SUMF1: variants seen among roughly 807,000 people sequenced by gnomAD.
The protein encoded by SUMF1 is formylglycine-generating enzyme.
A neutral mutation model predicts 47.6 loss-of-function variants in SUMF1; 48 were observed. That is an observed-to-expected ratio of 1.01 (90% confidence interval 0.80 to 1.28). SUMF1 has a LOEUF of 1.28. SUMF1 is among the 50% of genes most tolerant of loss of function. The probability of loss-of-function intolerance (pLI) is 0.00; values close to 1 mark genes in which losing one functional copy is unlikely to be tolerated. For synonymous variants in SUMF1, 230 were observed against 192.1 expected, an observed-to-expected ratio of 1.20 and a Z score of -1.63; for missense variants, 571 against 485.4, an observed-to-expected ratio of 1.18 and a Z score of -1.66.
At chr3:4,269,383 T>C (rs1238773960) in intron 8 of SUMF1, among the ~76,000 whole-genome samples, 1 of 152,188 alleles carries the variant, frequency 6.6e-6, no homozygotes, top group Non-Finnish European at 1.5e-5. Flanking sequence ...TAATTCACTA[T>C]TAGCAACACA....
intron 8 of SUMF1, among the ~76,000 whole-genome samples, chr3:4,147,241 G>A (rs1460747155): frequency 6.6e-6 from 1 of 152,090 alleles, no homozygotes; most frequent in Non-Finnish European, 1.5e-5. Flanking sequence ...TTCAACCATT[G>A]TGGAAGTCAG....
At chr3:4,273,117 T>C (rs1019186629) in intron 8 of SUMF1, among the ~76,000 whole-genome samples, 20 of 148,900 alleles carry the variant, frequency 1.3e-4, no homozygotes, top group South Asian at 8.3e-4. Context: ...CATATATATA[T>C]ACACACACAT....
intron 8 of SUMF1, among the ~76,000 whole-genome samples, chr3:4,363,119 A>C (rs1422172663): frequency 6.6e-6 from 1 of 152,204 alleles, no homozygotes; most frequent in African/African-American, 2.4e-5. Context: ...CCAATACAAT[A>C]AGAATATATA....
At position 4,150,520 on chromosome 3, in the gene SUMF1, C is replaced by T. The variant is rs1380766574; in HGVS notation, c.1015-81775G>A. Among the ~76,000 whole-genome samples the T allele has an allele frequency of 2.0e-5, 3 of 148,546 alleles. No homozygotes were observed. The East Asian group carries it at 5.9e-4, about 29-fold the overall frequency. On this transcript the variant is annotated intron_variant and NMD_transcript_variant, in intron 8 of 12. Transcript: ENST00000448413. ...GAGGTTGCAGTGAGCTGAGATTGTG[C>T]CACTGCACTCCAGAGTGAGACTCCG...
intron 7 of SUMF1, among the ~76,000 whole-genome samples, chr3:4,395,068 C>A (rs576039906): frequency 6.6e-6 from 1 of 152,172 alleles, no homozygotes; most frequent in Non-Finnish European, 1.5e-5. Flanking sequence ...TCCTCATAAT[C>A]ACCCTGTAAA....
chr3:4,223,078 T>C (rs1696101794), intron 8 of SUMF1, among the ~76,000 whole-genome samples: 2 of 152,150 alleles, frequency 1.3e-5, no homozygotes, highest in East Asian at 1.9e-4. Flanking sequence ...AAGATATTTA[T>C]GAATTGATGA....
At chr3:4,376,132 C>T (rs545262170) in intron 8 of SUMF1, among the ~76,000 whole-genome samples, 198 bp downstream of exon 8, 2 of 152,344 alleles carry the variant, frequency 1.3e-5, no homozygotes, top group African/African-American at 4.8e-5. Flanking sequence ...AGGTCATTCA[C>T]AACCTTTGTT....
intron 3 of SUMF1, among the ~76,000 whole-genome samples, chr3:4,435,431 C>T (rs1214876541): frequency 6.6e-6 from 1 of 152,070 alleles, no homozygotes; most frequent in Non-Finnish European, 1.5e-5. Flanking sequence ...AAAGGTCTAA[C>T]ATTTATGCAC....
At chr3:4,465,426 C>T (rs1331778145) in intron 1 of SUMF1, among the ~76,000 whole-genome samples, 1 of 150,676 alleles carries the variant, frequency 6.6e-6, no homozygotes, top group African/African-American at 2.4e-5. Flanking sequence ...TTGCAGTGAG[C>T]GGAGATCGCG....
intron 9 of SUMF1, among the ~76,000 whole-genome samples, chr3:4,043,297 C>A (rs772046602): frequency 5.3e-5 from 8 of 152,096 alleles, no homozygotes; most frequent in Non-Finnish European, 8.8e-5. Context: ...CTCAGCCCTG[C>A]CCACACATCT....
At chr3:4,142,124 TG>T (rs1376244817) in intron 8 of SUMF1, among the ~76,000 whole-genome samples, 1 of 152,200 alleles carries the variant, frequency 6.6e-6, no homozygotes, top group Non-Finnish European at 1.5e-5. Context: ...AGAATGTGGT[TG>T]TTTCTCTTAA....
At chr3:4,216,012 ACTTT>A (rs1347869524) in intron 8 of SUMF1, among the ~76,000 whole-genome samples, 6 of 152,190 alleles carry the variant, frequency 3.9e-5, no homozygotes, top group Admixed American at 3.9e-4. Context: ...GCTACCACTG[ACTTT>A]CTTCACAGAA....
intron 8 of SUMF1, among the ~76,000 whole-genome samples, chr3:4,221,449 GTGTT>G (rs1696063038): frequency 7.5e-6 from 1 of 133,812 alleles, no homozygotes; most frequent in Non-Finnish European, 1.6e-5. Flanking sequence ...GTGTGTGTGT[GTGTT>G]TTGTGTTTTC....
At chr3:4,199,349 C>T (rs942770071) in intron 8 of SUMF1, among the ~76,000 whole-genome samples, 1 of 152,100 alleles carries the variant, frequency 6.6e-6, no homozygotes, top group Non-Finnish European at 1.5e-5. Context: ...TATTCCATTA[C>T]TTAGACCACA....
chr3:4,092,718 C>T (rs748682877), intron 8 of SUMF1, among the ~76,000 whole-genome samples: 5 of 151,964 alleles, frequency 3.3e-5, no homozygotes, highest in Non-Finnish European at 7.4e-5. Flanking sequence ...GTGTGTATAT[C>T]GGGGGTGGAG....
rs573197462 is a variant in SUMF1 at position 4,349,851 on chromosome 3, G to A, written c.1014+26479C>T. On this transcript the variant is annotated intron_variant and NMD_transcript_variant, in intron 8 of 12. Coordinates refer to the SUMF1 transcript ENST00000448413. ...GCCAGTTGCGGGGTAGGAGGTGAAGGGAAGGAAGTTGGAGGATGGGTCAAT... is the reference window on the plus strand; with the variant it reads ...GCCAGTTGCGGGGTAGGAGGTGAAGAGAAGGAAGTTGGAGGATGGGTCAAT... Among the ~76,000 whole-genome samples the A allele has an allele frequency of 3.9e-5, 6 of 152,140 alleles. No individual in the cohort carries two copies. The South Asian group carries it at 1.2e-3, about 32-fold the overall frequency.
intron 8 of SUMF1, among the ~76,000 whole-genome samples, chr3:4,140,177 C>T (rs1165879098): frequency 1.3e-5 from 2 of 151,964 alleles, no homozygotes; most frequent in Admixed American, 1.3e-4. Context: ...CATAGGATAC[C>T]TGGGATAGAA....
chr3:4,445,623 G>C (rs1702754929), intron 3 of SUMF1, among the ~76,000 whole-genome samples: 1 of 152,158 alleles, frequency 6.6e-6, no homozygotes, highest in Admixed American at 6.5e-5. Context: ...GGGATTGTGG[G>C]CATGAGCCAC....
At chr3:4,267,024 C>T (rs1697209788) in intron 8 of SUMF1, among the ~76,000 whole-genome samples, 1 of 152,120 alleles carries the variant, frequency 6.6e-6, no homozygotes, top group Admixed American at 6.5e-5. Flanking sequence ...TGCTGGATTA[C>T]ATTTATTGAT....
Sources: gnomAD v4.1 joint callset for allele counts (sites outside exome capture counted in the v4.1 genomes callset) on GRCh38, gnomAD v4.1.1 for gene constraint, MANE v1.5 for transcripts, NCBI Gene and HGNC (gene_info 2026-07-23, HGNC 2026-07-21) for gene names.